RNF182: variants seen among roughly 807,000 people sequenced by gnomAD.
The protein encoded by RNF182 is E3 ubiquitin-protein ligase RNF182.
In RNF182, 15 loss-of-function variants were observed where a neutral mutation model predicts 14.4. That is an observed-to-expected ratio of 1.04 (90% CI 0.70 to 1.60). RNF182 has a LOEUF of 1.60. Among genes scored for constraint, RNF182 ranks in the 40% most tolerant of loss-of-function variants. The pLI, the probability that RNF182 is intolerant of heterozygous loss-of-function variation, is 0.00. For synonymous variants in RNF182, 128 were observed against 122.9 expected (o/e 1.04, Z -0.27); for missense variants, 268 against 294.8 (o/e 0.91, Z 0.67).
At chr6:13,936,214 A>G (rs569149384) in intron 1 of RNF182, among the ~76,000 whole-genome samples, 21 of 152,370 alleles carry the variant, frequency 1.4e-4, no homozygotes, top group Admixed American at 2.6e-4. Context: ...TTACAATTCA[A>G]CATGAGATTT....
At chr6:13,976,061 C>G (rs1314024461) in intron 2 of RNF182, among the ~76,000 whole-genome samples, 2 of 152,154 alleles carry the variant, frequency 1.3e-5, no homozygotes, top group African/African-American at 4.8e-5. Flanking sequence ...TTTCCTTTTA[C>G]TAAAGAAAGA....
At chr6:13,963,875 G>A (rs1270194177) in intron 1 of RNF182, among the ~76,000 whole-genome samples, 1 of 152,098 alleles carries the variant, frequency 6.6e-6, no homozygotes, top group Non-Finnish European at 1.5e-5. Flanking sequence ...GAGAATTATT[G>A]CAGCCATATT....
At chr6:13,968,062 TAACA>T (rs1001359044) in intron 1 of RNF182, among the ~76,000 whole-genome samples, 12 of 136,932 alleles carry the variant, frequency 8.8e-5, no homozygotes, top group African/African-American at 3.0e-4. Flanking sequence ...AAAAAAATCA[TAACA>T]AACAAAAATA....
intron 2 of RNF182, among the ~76,000 whole-genome samples, chr6:13,974,883 C>T (rs1411537506): frequency 2.6e-5 from 4 of 152,164 alleles, no homozygotes; most frequent in African/African-American, 9.7e-5. Flanking sequence ...TACCTCAGTC[C>T]TTTCTATGGC....
chr6:13,974,092 C>CT (rs1760263263), intron 1 of RNF182, 118 bp from the exon 2 acceptor site: 1 of 151,894 alleles, frequency 6.6e-6, no homozygotes, highest in Non-Finnish European at 1.5e-5. Flanking sequence ...TATTCAAGTT[C>CT]TTTGAGGGAT....
intron 1 of RNF182, among the ~76,000 whole-genome samples, chr6:13,964,716 C>A (rs562954675): frequency 2.4e-4 from 37 of 152,148 alleles, no homozygotes; most frequent in South Asian, 4.1e-4. Context: ...ACCAGAAGAT[C>A]AGGATGCACT....
chr6:13,965,018 T>C (rs543113214), intron 1 of RNF182, among the ~76,000 whole-genome samples: 2 of 152,276 alleles, frequency 1.3e-5, no homozygotes, highest in African/African-American at 4.8e-5. Context: ...AAGAAAAATA[T>C]TGGCACTGTA....
chr6:13,968,358 TTAAC>T (rs1760090556), intron 1 of RNF182, among the ~76,000 whole-genome samples: 2 of 152,114 alleles, frequency 1.3e-5, no homozygotes, highest in Admixed American at 1.3e-4. Flanking sequence ...ATGTCTAAAT[TTAAC>T]TGAGGAAGAA....
intron 1 of RNF182, among the ~76,000 whole-genome samples, chr6:13,940,741 CA>C (rs1314733340): frequency 6.6e-6 from 1 of 152,062 alleles, no homozygotes; most frequent in African/African-American, 2.4e-5. Flanking sequence ...GCATTTTCCT[CA>C]AGCATGGCTT....
rs769299156 is a variant in RNF182 at position 13,980,049 on chromosome 6, T to C, written c.*2186T>C. On this transcript the variant is annotated 3_prime_UTR_variant, in exon 3 of 3. Coordinates refer to ENST00000488300, the MANE Select transcript of RNF182 (RefSeq NM_152737.4). ...CTGACTTATGGTTAAAATTCAGTTA[T>C]GACTTTGCACCTCTGTTAGCTTTAG... 1.3e-5 allele frequency: 2 copies of C among 158,246 alleles called. No individual in the cohort carries two copies. Among genetic ancestry groups the C allele is most frequent in the African/African-American group, 4.8e-5 (2 of 41,446 alleles). The allele number at this position is 158,246 out of a possible 1,614,324, so 9.8% of individuals were successfully genotyped here.
At chr6:13,960,685 GTGTGT>G (rs1561784339) in intron 1 of RNF182, among the ~76,000 whole-genome samples, 10 of 114,632 alleles carry the variant, frequency 8.7e-5, no homozygotes, top group African/African-American at 2.7e-4. Context: ...GTGTGTGTGT[GTGTGT>G]GTGCGCGCGT....
At chr6:13,939,102 AGT>A (rs1221705987) in intron 1 of RNF182, among the ~76,000 whole-genome samples, 2 of 152,148 alleles carry the variant, frequency 1.3e-5, no homozygotes, top group African/African-American at 4.8e-5. Context: ...AAAACCAAAA[AGT>A]GTTTTACATT....
chr6:13,975,626 G>A (rs1321469691), intron 2 of RNF182, among the ~76,000 whole-genome samples: 1 of 152,154 alleles, frequency 6.6e-6, no homozygotes, highest in Non-Finnish European at 1.5e-5. Flanking sequence ...AAGATAATAT[G>A]TATTAATAAG....
At chr6:13,953,810 G>A (rs1317787248) in intron 1 of RNF182, among the ~76,000 whole-genome samples, 2 of 152,146 alleles carry the variant, frequency 1.3e-5, no homozygotes, top group East Asian at 3.9e-4. Context: ...TTCCTTATGG[G>A]CTCCCCCTCT....
At chr6:13,975,636 G>C (rs572218628) in intron 2 of RNF182, among the ~76,000 whole-genome samples, 1 of 152,238 alleles carries the variant, frequency 6.6e-6, no homozygotes, top group African/African-American at 2.4e-5. Context: ...GTATTAATAA[G>C]TCAACTATTC....
chr6:13,943,321 G>T (rs372244902), intron 1 of RNF182, among the ~76,000 whole-genome samples: 10 of 150,418 alleles, frequency 6.6e-5, no homozygotes, highest in African/African-American at 2.4e-4. Context: ...GGGTCTCACC[G>T]TGTTGTCCAA....
chr6:13,970,675 T>C (rs1760152739), intron 1 of RNF182, among the ~76,000 whole-genome samples: 1 of 152,214 alleles, frequency 6.6e-6, no homozygotes, highest in Non-Finnish European at 1.5e-5. Context: ...CTGTTTTCCA[T>C]AGTGGTTGTA....
chr6:13,925,464 G>C (rs1321938367), intron 1 of RNF182: 1 of 152,218 alleles, frequency 6.6e-6, no homozygotes, highest in African/African-American at 2.4e-5. Context: ...AGATTTTTAC[G>C]AATCTCTGAA....
intron 1 of RNF182, among the ~76,000 whole-genome samples, chr6:13,934,311 G>T (rs1759050379): frequency 6.6e-6 from 1 of 152,126 alleles, no homozygotes. Flanking sequence ...GACTATACAG[G>T]AGGGCCAAGC....
Sources: gnomAD v4.1 joint callset for allele counts (sites outside exome capture counted in the v4.1 genomes callset) on GRCh38, gnomAD v4.1.1 for gene constraint, MANE v1.5 for transcripts, NCBI Gene and HGNC (gene_info 2026-07-23, HGNC 2026-07-21) for gene names.